ZNF624: variants seen among roughly 807,000 people sequenced by gnomAD.
ZNF624 encodes zinc finger protein 624.
Under a neutral mutation model 74.7 loss-of-function variants are expected in ZNF624, and 43 were observed. The observed-to-expected ratio is 0.58, with a 90% CI of 0.45 to 0.74. The LOEUF (loss-of-function observed/expected upper bound fraction) is 0.74, where lower values mean the gene tolerates loss of function less well. Ranked by LOEUF, ZNF624 falls within the 30% of genes least tolerant of loss-of-function variation. ZNF624 has a pLI of 0.00. For synonymous variants in ZNF624, 331 were observed against 341.3 expected, an observed-to-expected ratio of 0.97 and a Z score of 0.33; for missense variants, 820 against 1,030.0, an observed-to-expected ratio of 0.80 and a Z score of 2.79.
chr17:16,649,652 A>G lies in ZNF624; in HGVS notation c.87+6T>C. The stretch of plus-strand genomic sequence containing the variant: ...AGTAGGTCAAAAACAGGGAATCCCA[A>G]CTTACCAGGCGTCCAACTGAGAAAA... On this transcript the variant is annotated splice_donor_region_variant and intron_variant, in intron 2 of 5. Coordinates refer to ENST00000311331, the MANE Select transcript of ZNF624 (RefSeq NM_020787.4). The G allele has an allele frequency of 6.2e-7, 1 of 1,613,854 alleles. No individual in the cohort carries two copies.
downstream of ZNF624, among the ~76,000 whole-genome samples, chr17:16,618,379 G>C (rs1908834256): frequency 1.3e-5 from 2 of 151,902 alleles, no homozygotes. Context: ...GAAATGTTTT[G>C]GAATACTCAT....
At chr17:16,629,923 T>C (rs184566674) in intron 5 of ZNF624, among the ~76,000 whole-genome samples, 355 of 152,302 alleles carry the variant, frequency 2.3e-3, no homozygotes, top group Non-Finnish European at 3.6e-3. Flanking sequence ...TAAAAATGTA[T>C]GAAATTCAAA....
Position 16,623,244 on chromosome 17 carries a change from T to G in ZNF624, c.1642A>C (p.Arg548=). The stretch of plus-strand genomic sequence containing the variant: ...TAAGGTTTCTCTCCTGTATGCATTC[T>G]GTGGTGTACAGTAAGGCATGAATAA... ...INYSCLTVHH[R]MHTGEKPYKC... The change falls in exon 6 of 6, where the codon AGA becomes CGA. Residue 548 remains arginine (R), a synonymous_variant. Transcript: ENST00000311331. The surrounding 1 kb of genome is among the most constrained non-coding windows in gnomAD (Gnocchi z 5.3). The G allele has an allele frequency of 6.2e-7, 1 of 1,614,036 alleles. No homozygotes were observed. The highest frequency in any genetic ancestry group is 8.5e-7 in the Non-Finnish European group (1 of 1,179,928).
At chr17:16,633,056 T>C (rs932754552) in intron 5 of ZNF624, among the ~76,000 whole-genome samples, 4 of 152,224 alleles carry the variant, frequency 2.6e-5, no homozygotes. Flanking sequence ...TGTCACCTCT[T>C]CAGAAGCTCC....
At position 16,624,072 on chromosome 17, in the gene ZNF624, T is replaced by C. The variant is rs775033264; in HGVS notation, c.814A>G (p.Lys272Glu). Residue 272 changes from lysine to glutamate, a missense_variant, in exon 6 of 6, where the codon AAG becomes GAG. Transcript: ENST00000311331. ...GTACTACATTTGTAGGGTTTTTCCT[T>C]ATTATTGGATTTTTTCCCCAAAGTT... ...ELTLGKKSNN[K>E]EKPYKCSTCE... is the part of the protein sequence containing the mutation. The C allele has an allele frequency of 8.1e-6, 13 of 1,614,038 alleles. No individual in the cohort carries two copies. In the South Asian group the frequency reaches 1.4e-4, roughly 18 times the overall value.
intron 1 of ZNF624, among the ~76,000 whole-genome samples, 184 bp from the exon 2 acceptor site, chr17:16,649,930 T>C (rs556755431): frequency 1.3e-5 from 2 of 152,330 alleles, no homozygotes; most frequent in Non-Finnish European, 2.9e-5. Context: ...CTGTTAACTA[T>C]AGTCACAACT....
intron 3 of ZNF624, among the ~76,000 whole-genome samples, 156 bp from the exon 4 acceptor site, chr17:16,634,912 C>A (rs1390154139): frequency 2.6e-5 from 4 of 152,178 alleles, no homozygotes; most frequent in Non-Finnish European, 5.9e-5. Flanking sequence ...ATAAATCTCT[C>A]CAGTGACAAG....
intron 1 of ZNF624, among the ~76,000 whole-genome samples, chr17:16,651,593 T>C (rs1203315838): frequency 1.3e-5 from 2 of 152,054 alleles, no homozygotes; most frequent in African/African-American, 4.8e-5. Flanking sequence ...AAAGAAAGAA[T>C]AGTCTGAGGG....
chr17:16,636,900 T>A (rs1909346025), intron 3 of ZNF624, among the ~76,000 whole-genome samples: 1 of 152,006 alleles, frequency 6.6e-6, no homozygotes, highest in Admixed American at 6.6e-5. Context: ...AGAGAGGGCA[T>A]CCCTGTCTTG....
chr17:16,626,794 C>T (rs1352073289), intron 5 of ZNF624, among the ~76,000 whole-genome samples: 2 of 152,056 alleles, frequency 1.3e-5, no homozygotes, highest in Non-Finnish European at 2.9e-5. Flanking sequence ...CAGTGGCTCA[C>T]GCCTGTAATC....
chr17:16,644,716 T>C (rs1909546447), intron 3 of ZNF624, among the ~76,000 whole-genome samples: 1 of 152,232 alleles, frequency 6.6e-6, no homozygotes, highest in South Asian at 2.1e-4. Context: ...CAAGCTAGAA[T>C]AGAGATACAG....
At chr17:16,631,227 C>T (rs1281105061) in intron 5 of ZNF624, 1 of 151,906 alleles carries the variant, frequency 6.6e-6, no homozygotes, top group Admixed American at 6.6e-5. Flanking sequence ...TATGAAGATG[C>T]TACATAAAAA....
Position 16,622,384 on chromosome 17 carries a change from T to C in ZNF624, c.2502A>G (p.Lys834=). The stretch of plus-strand genomic sequence containing the variant: ...TTCCACATTCATTACATTTATAGGG[T>C]TTTTCTCCAGTATGCATCCTCAAGT... ...TVHLRMHTGE[K]PYKCNECGKA... is the part of the protein sequence containing the mutation. The change falls in exon 6 of 6, where the codon AAA becomes AAG. Residue 834 remains lysine, a synonymous_variant. Transcript: ENST00000311331. 1 of 1,613,114 alleles carries C rather than the reference T, an allele frequency of 6.2e-7. No individual in the cohort carries two copies. Among genetic ancestry groups the C allele is most frequent in the Non-Finnish European group, 8.5e-7 (1 of 1,179,648 alleles).
chr17:16,635,417 T>G (rs1909304810), intron 3 of ZNF624, among the ~76,000 whole-genome samples: 1 of 152,102 alleles, frequency 6.6e-6, no homozygotes, highest in Admixed American at 6.5e-5. Context: ...TAGACTCCTT[T>G]GAATATTTGT....
At chr17:16,645,331 A>C (rs1401119159) in intron 3 of ZNF624, among the ~76,000 whole-genome samples, 2 of 152,098 alleles carry the variant, frequency 1.3e-5, no homozygotes, top group Non-Finnish European at 2.9e-5. Flanking sequence ...GGTTACTGGG[A>C]GGCTTTTAAA....
At chr17:16,619,892 C>G (rs897759142), downstream of ZNF624, among the ~76,000 whole-genome samples, 20 of 152,184 alleles carry the variant, frequency 1.3e-4, no homozygotes, top group Non-Finnish European at 2.9e-5. Context: ...GATGTCAACT[C>G]TGTGACAGCA....
chr17:16,628,271 G>T (rs376795737), intron 5 of ZNF624, among the ~76,000 whole-genome samples: 1 of 150,828 alleles, frequency 6.6e-6, no homozygotes, highest in Non-Finnish European at 1.5e-5. Flanking sequence ...TGCCTCCCCC[G>T]ACCCCAAAAA....
At chr17:16,652,094 C>T (rs868111523) in intron 1 of ZNF624, among the ~76,000 whole-genome samples, 3 of 151,788 alleles carry the variant, frequency 2.0e-5, no homozygotes, top group African/African-American at 7.3e-5. Context: ...GGACAGATAC[C>T]CTGAAAGCCC....
At chr17:16,627,117 G>A (rs1391357660) in intron 5 of ZNF624, among the ~76,000 whole-genome samples, 2 of 151,672 alleles carry the variant, frequency 1.3e-5, no homozygotes, top group African/African-American at 4.8e-5. Context: ...GCACCAATTT[G>A]GAATTCAGAA....
Sources: allele counts gnomAD v4.1 joint callset (sites outside exome capture counted in the v4.1 genomes callset), GRCh38; gene constraint gnomAD v4.1.1; non-coding constraint Gnocchi (gnomAD v3.1); transcripts MANE v1.5; gene names NCBI Gene and HGNC (gene_info 2026-07-23, HGNC 2026-07-21).